Variants in CIMIP5 observed in about 807,000 individuals in gnomAD.
The protein encoded by CIMIP5 is ciliary microtubule inner protein 5, also known as uncharacterized protein C2orf50.
the CIMIP5 span, among the ~76,000 whole-genome samples, chr2:11,142,527 T>A: frequency 6.6e-6 from 1 of 152,086 alleles, no homozygotes; most frequent in African/African-American, 2.4e-5. Context: ...GGCTACATGA[T>A]AGCAACCTGA....
At chr2:11,152,721 C>CA in the CIMIP5 span, among the ~76,000 whole-genome samples, 1 of 152,068 alleles carries the variant, frequency 6.6e-6, no homozygotes, top group African/African-American at 2.4e-5. Context: ...AGACACTCCC[C>CA]AACCTCCTGA....
the CIMIP5 span, among the ~76,000 whole-genome samples, chr2:11,139,864 A>G: frequency 6.6e-6 from 1 of 151,836 alleles, no homozygotes; most frequent in Non-Finnish European, 1.5e-5. Context: ...AGGTGGGTGG[A>G]CCACCTGAGG....
chr2:11,143,804 G>C, the CIMIP5 span: 1 of 895,596 alleles, frequency 1.1e-6, no homozygotes, highest in African/African-American at 1.7e-5. Flanking sequence ...AACCAGGATT[G>C]AATCACCTGG....
the CIMIP5 span, among the ~76,000 whole-genome samples, chr2:11,149,606 C>T: frequency 6.6e-6 from 1 of 152,018 alleles, no homozygotes; most frequent in East Asian, 1.9e-4. Context: ...ACTTGGGAGG[C>T]TGAGATGGGA....
chr2:11,141,705 A>G, the CIMIP5 span, among the ~76,000 whole-genome samples: 2 of 152,196 alleles, frequency 1.3e-5, no homozygotes, highest in Admixed American at 1.3e-4. Flanking sequence ...GGATGAGGCC[A>G]GGAATGGTGG....
chr2:11,151,879 A>C, the CIMIP5 span, among the ~76,000 whole-genome samples: 2 of 152,186 alleles, frequency 1.3e-5, no homozygotes, highest in Non-Finnish European at 2.9e-5. Context: ...GGTGATCTGC[A>C]CGCCTCAGCC....
the CIMIP5 span, among the ~76,000 whole-genome samples, chr2:11,150,504 T>C: frequency 6.6e-6 from 1 of 151,832 alleles, no homozygotes; most frequent in African/African-American, 2.4e-5. Flanking sequence ...GGCTAATTTT[T>C]GTATTTTTGT....
At chr2:11,143,209 A>T in the CIMIP5 span, among the ~76,000 whole-genome samples, 1 of 150,084 alleles carries the variant, frequency 6.7e-6, no homozygotes, top group African/African-American at 2.5e-5. Context: ...CATGGAGTAC[A>T]GTTCACACCA....
chr2:11,152,677 T>C, the CIMIP5 span, among the ~76,000 whole-genome samples: 1 of 151,960 alleles, frequency 6.6e-6, no homozygotes, highest in Non-Finnish European at 1.5e-5. Flanking sequence ...TGCAGAGATA[T>C]CCCAGTGAGT....
At chr2:11,139,105 ACAGGGTTTCACCATGTTGGC>A in the CIMIP5 span, among the ~76,000 whole-genome samples, 4 of 151,946 alleles carry the variant, frequency 2.6e-5, no homozygotes, top group African/African-American at 9.7e-5. Context: ...TTTGGTGGAG[ACAGGGTTTCACCATGTTGGC>A]CAGGCTGGTC....
At chr2:11,150,845 TTACCC>T in the CIMIP5 span, among the ~76,000 whole-genome samples, 2 of 151,472 alleles carry the variant, frequency 1.3e-5, no homozygotes, top group Non-Finnish European at 2.9e-5. Flanking sequence ...CTCAAGATCT[TTACCC>T]TACTCAGGAT....
the CIMIP5 span, chr2:11,143,875 C>T: frequency 1.4e-5 from 20 of 1,473,020 alleles, no homozygotes; most frequent in Non-Finnish European, 1.8e-5. Flanking sequence ...CTAAGGTCCT[C>T]CTTTTTCCAC....
At chr2:11,137,911 T>C in the CIMIP5 span, among the ~76,000 whole-genome samples, 4 of 152,230 alleles carry the variant, frequency 2.6e-5, no homozygotes, top group African/African-American at 9.6e-5. Flanking sequence ...AGTGGTGCCA[T>C]CTCGGCTCAC....
chr2:11,153,801 G>T, the CIMIP5 span, among the ~76,000 whole-genome samples: 13 of 151,976 alleles, frequency 8.6e-5, no homozygotes, highest in East Asian at 2.6e-3. Flanking sequence ...GCACATGCCT[G>T]TAATTCCAGC....
At chr2:11,149,015 T>C in the CIMIP5 span, among the ~76,000 whole-genome samples, 1 of 152,060 alleles carries the variant, frequency 6.6e-6, no homozygotes, top group Non-Finnish European at 1.5e-5. Context: ...ATTACAGACA[T>C]GAGCCACTGC....
At chr2:11,138,003 G>A in the CIMIP5 span, among the ~76,000 whole-genome samples, 8 of 152,224 alleles carry the variant, frequency 5.3e-5, no homozygotes, top group South Asian at 8.3e-4. Flanking sequence ...CCGCTACCAC[G>A]CCCGGCTAAT....
chr2:11,133,219 T>G, the CIMIP5 span: 2 of 1,285,126 alleles, frequency 1.6e-6, no homozygotes, highest in Admixed American at 6.3e-5. Flanking sequence ...CTGCCCAGGC[T>G]CTCCCGGGGT....
the CIMIP5 span, among the ~76,000 whole-genome samples, chr2:11,143,067 T>G: frequency 6.6e-6 from 1 of 152,180 alleles, no homozygotes; most frequent in South Asian, 2.1e-4. Context: ...CAAACGCACG[T>G]TCACATATGG....
the CIMIP5 span, among the ~76,000 whole-genome samples, chr2:11,149,485 C>T: frequency 8.5e-5 from 13 of 152,252 alleles, no homozygotes; most frequent in African/African-American, 1.4e-4. Context: ...GTAAAAGTAT[C>T]GCTTGAGCTC....
Sources: gnomAD v4.1 joint callset for allele counts (sites outside exome capture counted in the v4.1 genomes callset) on GRCh38, gnomAD v4.1.1 for gene constraint, MANE v1.5 for transcripts, NCBI Gene and HGNC (gene_info 2026-07-23, HGNC 2026-07-21) for gene names.